FAM193A: variants seen among roughly 807,000 people sequenced by gnomAD.
FAM193A encodes the protein protein FAM193A.
FAM193A carries 22 observed loss-of-function variants against 126.5 expected under a neutral mutation model. That is an observed-to-expected ratio of 0.17 (90% CI 0.12 to 0.25). FAM193A has a LOEUF of 0.25. Ranked by LOEUF, FAM193A falls within the 10% of genes least tolerant of loss-of-function variation. The pLI is 1.00. For synonymous variants in FAM193A, 761 were observed against 646.8 expected, an observed-to-expected ratio of 1.18 and a Z score of -2.68; for missense variants, 1,675 against 1,672.8, an observed-to-expected ratio of 1.00 and a Z score of -0.02.
chr4:2,682,263 C>T (rs926874363), intron 13 of FAM193A, among the ~76,000 whole-genome samples: 25 of 152,030 alleles, frequency 1.6e-4, no homozygotes, highest in Admixed American at 1.6e-3. Flanking sequence ...GGATTACAGG[C>T]GCGAGCCACC....
At chr4:2,728,895 A>ATT (rs1491485597) in intron 20 of FAM193A, among the ~76,000 whole-genome samples, 1,685 of 105,588 alleles carry the variant, frequency 0.016, 123 homozygotes, top group South Asian at 0.028. Flanking sequence ...CACCTCCAAA[A>ATT]CTTTTTTTTT....
intron 4 of FAM193A, 64 bp downstream of exon 4, chr4:2,626,641 G>A: frequency 1.5e-6 from 1 of 656,910 alleles, no homozygotes; most frequent in Middle Eastern, 3.8e-4. Context: ...TGCACTTGGA[G>A]CCACTCCTTT....
rs757328672 is a variant in FAM193A at position 2,646,858 on chromosome 4, C to A, written c.1311+26C>A. 9 of 1,596,368 alleles carry A rather than the reference C, an allele frequency of 5.6e-6. No homozygotes were observed. In the African/African-American group the frequency reaches 1.1e-4, roughly 19 times the overall value. On this transcript the variant is annotated intron_variant, in intron 7 of 20. Transcript: ENST00000637812. ...GTGAGTGCCACCCGGGACCACCGCACCCCGCGCACATCCTCAGACGGCCCT... is the reference window on the plus strand; with the variant it reads ...GTGAGTGCCACCCGGGACCACCGCAACCCGCGCACATCCTCAGACGGCCCT...
intron 2 of FAM193A, among the ~76,000 whole-genome samples, chr4:2,614,338 C>G (rs149947277): frequency 5.9e-5 from 9 of 152,246 alleles, no homozygotes; most frequent in Non-Finnish European, 1.3e-4. Context: ...TGAATAGATA[C>G]TGAATTTTGT....
intron 13 of FAM193A, among the ~76,000 whole-genome samples, chr4:2,678,360 G>GT (rs201173761): frequency 0.057 from 6,841 of 120,032 alleles, 315 homozygotes; most frequent in South Asian, 0.14. Context: ...GGTTTTGGTG[G>GT]TTTTTTTTTT....
intron 13 of FAM193A, among the ~76,000 whole-genome samples, chr4:2,673,459 G>C (rs1714051016): frequency 6.6e-6 from 1 of 152,182 alleles, no homozygotes; most frequent in South Asian, 2.1e-4. Context: ...GTTTAGAATA[G>C]AGTGTAATAA....
At position 2,556,193 on chromosome 4, in the gene FAM193A, G is replaced by A. The variant is rs1738248567; in HGVS notation, c.255+19023G>A. 1.3e-5 allele frequency among the ~76,000 whole-genome samples: 2 copies of A among 151,732 alleles called. 1 individual carries two copies. Among genetic ancestry groups the A allele is most frequent in the South Asian group, 4.2e-4 (2 of 4,812 alleles). On this transcript the variant is annotated intron_variant, in intron 1 of 20. Transcript: ENST00000637812. ...TTACAGGCATGAGCCACTGTGCCCG[G>A]CCAGTGAGATACTGTCCTTTTTTTG...
intron 12 of FAM193A, among the ~76,000 whole-genome samples, chr4:2,670,784 T>G (rs112709820): frequency 7.2e-5 from 11 of 152,314 alleles, no homozygotes; most frequent in African/African-American, 2.6e-4. Context: ...CTTTAATCTT[T>G]GCTTGTCTCA....
At chr4:2,594,985 C>A (rs781301345) in intron 1 of FAM193A, among the ~76,000 whole-genome samples, 1 of 151,474 alleles carries the variant, frequency 6.6e-6, no homozygotes, top group Non-Finnish European at 1.5e-5. Context: ...CACACCACCA[C>A]GCCCAGCTAA....
rs375946260 is a variant in FAM193A, at chr4:2,566,196, C to T, written c.255+29026C>T. 8.5e-5 allele frequency among the ~76,000 whole-genome samples: 13 copies of T among 152,116 alleles called. 1 individual carries two copies. The highest frequency in any genetic ancestry group is 2.1e-4 in the South Asian group (1 of 4,820). On this transcript the variant is annotated intron_variant, in intron 1 of 20. Coordinates refer to ENST00000637812, the MANE Select transcript of FAM193A (RefSeq NM_001366318.2). ...ACGAGTAGCTGGGACTACAGGCGCC[C>T]GCCACCTCGCCCGGCTAATTTTTTG...
At chr4:2,594,820 CTT>C (rs386399069) in intron 1 of FAM193A, among the ~76,000 whole-genome samples, 5 of 62,226 alleles carry the variant, frequency 8.0e-5, no homozygotes, top group East Asian at 5.6e-4. Context: ...TTTTCTTTTC[CTT>C]TTTTTTTTTT....
chr4:2,619,024 G>C (rs904183346), intron 2 of FAM193A, among the ~76,000 whole-genome samples: 1 of 152,160 alleles, frequency 6.6e-6, no homozygotes, highest in Non-Finnish European at 1.5e-5. Context: ...GAGCCATCGC[G>C]TCTGGGCTGG....
In FAM193A at chr4:2,543,196, T is replaced by C. The variant is rs183264079; in HGVS notation, c.255+6026T>C. On this transcript the variant is annotated intron_variant, in intron 1 of 20. Coordinates refer to ENST00000637812, the MANE Select transcript of FAM193A (RefSeq NM_001366318.2). Reference sequence around the variant, plus strand: ...TCCGCCTCCCGGGTTCAAGTGATTCTCCTGCCTCAGCCTCCCAGGTCGCTG... The same window carrying C: ...TCCGCCTCCCGGGTTCAAGTGATTCCCCTGCCTCAGCCTCCCAGGTCGCTG... Among the ~76,000 whole-genome samples, 687 of 152,110 alleles carry C rather than the reference T, an allele frequency of 4.5e-3. 1 individual carries two copies. Among genetic ancestry groups the C allele is most frequent in the Non-Finnish European group, 8.4e-3 (572 of 67,990 alleles).
chr4:2,693,920 G>A (rs1263595824), intron 16 of FAM193A, 46 bp downstream of exon 16: 17 of 1,573,186 alleles, frequency 1.1e-5, no homozygotes, highest in Non-Finnish European at 1.5e-5. Context: ...TTGGAAAATG[G>A]GTGTTATGCC....
chr4:2,562,576 G>A (rs1479931102), intron 1 of FAM193A, among the ~76,000 whole-genome samples: 1 of 151,966 alleles, frequency 6.6e-6, no homozygotes, highest in Non-Finnish European at 1.5e-5. Flanking sequence ...TTCTAAATAA[G>A]GCATTGAACT....
intron 13 of FAM193A, among the ~76,000 whole-genome samples, chr4:2,686,268 T>A (rs1715730400): frequency 1.3e-5 from 2 of 152,232 alleles, no homozygotes. Context: ...ATGCGTAGAA[T>A]CATTGCCGTA....
chr4:2,687,482 C>T (rs1337413735), intron 13 of FAM193A, among the ~76,000 whole-genome samples: 1 of 152,152 alleles, frequency 6.6e-6, no homozygotes, highest in East Asian at 1.9e-4. Flanking sequence ...CATCCGAGCT[C>T]GCCAGACTCC....
At chr4:2,605,137 A>G (rs554549506) in intron 2 of FAM193A, among the ~76,000 whole-genome samples, 2 of 152,046 alleles carry the variant, frequency 1.3e-5, no homozygotes, top group African/African-American at 4.8e-5. Context: ...GGTGAAATCA[A>G]TCCTCATCAC....
At chr4:2,646,571 C>T in intron 6 of FAM193A, 114 bp from the exon 7 acceptor site, 1 of 1,153,902 alleles carries the variant, frequency 8.7e-7, no homozygotes, top group Non-Finnish European at 1.2e-6. Context: ...CCCTGTTTTC[C>T]ACGTTGGGAG....
Sources: gnomAD v4.1 joint callset for allele counts (sites outside exome capture counted in the v4.1 genomes callset) on GRCh38, gnomAD v4.1.1 for gene constraint, MANE v1.5 for transcripts, NCBI Gene and HGNC (gene_info 2026-07-23, HGNC 2026-07-21) for gene names.